The following TSHZ3 variants were observed in gnomAD, a reference collection of about 807,000 sequenced individuals.
The protein encoded by TSHZ3 is teashirt homolog 3.
A neutral mutation model predicts 64.5 loss-of-function variants in TSHZ3; 10 were observed. The ratio of observed to expected loss-of-function variants is 0.16; its 90% CI spans 0.10 to 0.26. TSHZ3 has a LOEUF of 0.26. Ranked by LOEUF, TSHZ3 falls within the 10% of genes least tolerant of loss-of-function variation. The pLI is 1.00. For synonymous variants in TSHZ3, 608 were observed against 593.1 expected (o/e 1.03, Z -0.36); for missense variants, 1,242 against 1,421.7 (o/e 0.87, Z 2.03).
At chr19:31,273,383 C>T (rs772784446), downstream of TSHZ3, among the ~76,000 whole-genome samples, 8 of 152,170 alleles carry the variant, frequency 5.3e-5, no homozygotes, top group Non-Finnish European at 1.2e-4. Context: ...GCTTGTAAAT[C>T]CTCACACCAA....
chr19:31,226,977 C>CT (rs3030229), intron 4 of TSHZ3, among the ~76,000 whole-genome samples: 25,461 of 65,790 alleles, frequency 0.39, 5,805 homozygotes, highest in Non-Finnish European at 0.46. Context: ...TTCTTTCTTT[C>CT]TTTTTTTTTT....
At chr19:31,250,272 A>G (rs1374434704) in intron 1 of TSHZ3, among the ~76,000 whole-genome samples, 1 of 152,242 alleles carries the variant, frequency 6.6e-6, no homozygotes, top group Non-Finnish European at 1.5e-5. Context: ...TTGCGTTGCA[A>G]AAATTTTCCC....
At chr19:31,336,626 C>A (rs1917251357) in intron 1 of TSHZ3, among the ~76,000 whole-genome samples, 1 of 152,162 alleles carries the variant, frequency 6.6e-6, no homozygotes, top group Non-Finnish European at 1.5e-5. Context: ...GGCATCGGAT[C>A]CTGGTCAGCA....
intron 1 of TSHZ3, among the ~76,000 whole-genome samples, chr19:31,284,969 A>G (rs1976429711): frequency 6.6e-6 from 1 of 152,202 alleles, no homozygotes; most frequent in African/African-American, 2.4e-5. Context: ...CCCAGTGCAA[A>G]GCAGATGTGC....
chr19:31,294,097 C>G (rs984658559), intron 1 of TSHZ3, among the ~76,000 whole-genome samples: 1 of 152,170 alleles, frequency 6.6e-6, no homozygotes, highest in African/African-American at 2.4e-5. Context: ...ACAAGGAAAA[C>G]TTGGAGAGAA....
At chr19:31,187,689 C>T (rs1974834324) in intron 5 of TSHZ3, among the ~76,000 whole-genome samples, 1 of 152,072 alleles carries the variant, frequency 6.6e-6, no homozygotes, top group South Asian at 2.1e-4. Context: ...TCATTTGCTG[C>T]AAGACTGCCC....
intron 1 of TSHZ3, among the ~76,000 whole-genome samples, chr19:31,307,267 G>A (rs746275995): frequency 9.3e-5 from 14 of 150,918 alleles, no homozygotes; most frequent in East Asian, 3.9e-4. Flanking sequence ...AGGAAAGAGT[G>A]CCATTGTACC....
chr19:31,251,171 G>A (rs992736351), intron 1 of TSHZ3, among the ~76,000 whole-genome samples: 9 of 152,222 alleles, frequency 5.9e-5, no homozygotes, highest in Non-Finnish European at 1.0e-4. Flanking sequence ...GAGCAGTAGG[G>A]GCCTCTTCCT....
At chr19:31,322,683 G>C (rs1042096618) in intron 1 of TSHZ3, among the ~76,000 whole-genome samples, 16 of 152,170 alleles carry the variant, frequency 1.1e-4, no homozygotes, top group Non-Finnish European at 2.1e-4. Flanking sequence ...GCCTCCCAAA[G>C]TGCTAGGATT....
At chr19:31,340,834 C>T (rs984691420) in intron 1 of TSHZ3, among the ~76,000 whole-genome samples, 2 of 152,208 alleles carry the variant, frequency 1.3e-5, no homozygotes. Context: ...AGGCAGGCCC[C>T]GCTTTCCCCA....
chr19:31,339,924 A>G (rs1291568727), intron 1 of TSHZ3, among the ~76,000 whole-genome samples: 1 of 152,170 alleles, frequency 6.6e-6, no homozygotes, highest in African/African-American at 2.4e-5. Flanking sequence ...AAAAGAAAGA[A>G]AAGAAATCAA....
At chr19:31,280,524 T>G (rs1976342902) in intron 1 of TSHZ3, among the ~76,000 whole-genome samples, 1 of 151,998 alleles carries the variant, frequency 6.6e-6, no homozygotes, top group African/African-American at 2.4e-5. Flanking sequence ...GCACACACAC[T>G]CTCCATGCAG....
intron 5 of TSHZ3, among the ~76,000 whole-genome samples, chr19:31,197,405 T>C (rs566203692): frequency 6.9e-6 from 1 of 144,122 alleles, no homozygotes; most frequent in South Asian, 2.2e-4. Context: ...TAGAGAAAAT[T>C]AGAAAAAGAA....
chr19:31,262,037 T>C (rs1444915311), intron 1 of TSHZ3, among the ~76,000 whole-genome samples: 1 of 152,214 alleles, frequency 6.6e-6, no homozygotes, highest in Non-Finnish European at 1.5e-5. Context: ...AACACTTCTC[T>C]AGCTTGGAGC....
In TSHZ3 at chr19:31,172,993, G is replaced by C. The variant is rs537617810; in HGVS notation, n.810-16576C>G. Reference sequence around the variant, plus strand: ...AAGGTGATGGGGCTAGATCATGTAGGGTCTCAGAGCCACCATAAGGGCTCT... The same window carrying C: ...AAGGTGATGGGGCTAGATCATGTAGCGTCTCAGAGCCACCATAAGGGCTCT... On this transcript the variant is annotated intron_variant and non_coding_transcript_variant, in intron 5 of 6. Transcript: ENST00000651361. Among the ~76,000 whole-genome samples, 86 of 152,272 alleles carry C rather than the reference G, an allele frequency of 5.6e-4. 1 individual carries two copies. Among genetic ancestry groups the C allele is most frequent in the South Asian group, 3.7e-3 (18 of 4,820 alleles).
Position 31,290,948 on chromosome 19 carries a change from G to C in TSHZ3, c.41-11196C>G, listed in dbSNP as rs1181830149. Among the ~76,000 whole-genome samples the C allele has an allele frequency of 2.0e-5, 3 of 152,198 alleles. No individual in the cohort carries two copies. In the East Asian group the frequency reaches 5.8e-4, roughly 29 times the overall value. On this transcript the variant is annotated intron_variant, in intron 1 of 1. Coordinates refer to ENST00000240587, the MANE Select transcript of TSHZ3 (RefSeq NM_020856.4). The stretch of plus-strand genomic sequence containing the variant: ...TACACGCTAATTTGATGTAATGTGT[G>C]AGATGAATGCTTGTTCAGTTGGGTA...
At chr19:31,321,600 G>A (rs1223692779) in intron 1 of TSHZ3, among the ~76,000 whole-genome samples, 1 of 152,138 alleles carries the variant, frequency 6.6e-6, no homozygotes, top group African/African-American at 2.4e-5. Context: ...AGGCAGCAAG[G>A]TCAAAAGCAC....
intron 1 of TSHZ3, among the ~76,000 whole-genome samples, chr19:31,253,543 G>A: frequency 1.3e-5 from 2 of 152,050 alleles, no homozygotes; most frequent in African/African-American, 4.8e-5. Context: ...TTTAATCTTT[G>A]TAGAGATGAA....
chr19:31,168,705 G>T (rs1974491974), intron 5 of TSHZ3, among the ~76,000 whole-genome samples: 1 of 152,164 alleles, frequency 6.6e-6, no homozygotes, highest in African/African-American at 2.4e-5. Flanking sequence ...ACTTAACAAA[G>T]AAAAGCCAAT....
Sources: allele counts gnomAD v4.1 joint callset (sites outside exome capture counted in the v4.1 genomes callset), GRCh38; gene constraint gnomAD v4.1.1; transcripts MANE v1.5; gene names NCBI Gene and HGNC (gene_info 2026-07-23, HGNC 2026-07-21).